Variants in TCF12 observed in about 807,000 individuals in gnomAD.
The protein encoded by TCF12 is DNA-binding protein HTF4.
TCF12 carries 45 observed loss-of-function variants against 86.0 expected under a neutral mutation model. That is an observed-to-expected ratio of 0.52 (90% CI 0.41 to 0.67). TCF12 has a LOEUF of 0.67. TCF12 is among the 30% of genes least tolerant of loss of function. The pLI is 0.00. For synonymous variants in TCF12, 330 were observed against 299.6 expected (o/e 1.10, Z -1.05); for missense variants, 881 against 859.9 (o/e 1.02, Z -0.31).
chr15:56,935,494 T>C (rs1364743509), intron 3 of TCF12, among the ~76,000 whole-genome samples: 1 of 152,046 alleles, frequency 6.6e-6, no homozygotes, highest in African/African-American at 2.4e-5. Flanking sequence ...TTTGTTTCCG[T>C]AGGTTTTTGG....
chr15:57,089,830 T>C (rs969807309), intron 4 of TCF12, among the ~76,000 whole-genome samples: 1 of 152,152 alleles, frequency 6.6e-6, no homozygotes, highest in Non-Finnish European at 1.5e-5. Flanking sequence ...ACTGTGTGCC[T>C]AAGAATGGCA....
At chr15:56,969,852 A>G (rs534007442) in intron 3 of TCF12, among the ~76,000 whole-genome samples, 4 of 152,320 alleles carry the variant, frequency 2.6e-5, no homozygotes, top group South Asian at 4.1e-4. Flanking sequence ...GATGAAGACG[A>G]GATCAGAAGA....
chr15:57,219,459 G>GATA (rs1477060095), intron 8 of TCF12: 7 of 1,569,726 alleles, frequency 4.5e-6, no homozygotes, highest in Non-Finnish European at 6.1e-6. Flanking sequence ...TGCCTGTGTG[G>GATA]ATATATGTCT....
chr15:57,120,153 G>A (rs1274671968), intron 5 of TCF12, among the ~76,000 whole-genome samples: 2 of 152,126 alleles, frequency 1.3e-5, no homozygotes, highest in African/African-American at 2.4e-5. Flanking sequence ...TAGATACTGC[G>A]TTGACTACTC....
intron 3 of TCF12, among the ~76,000 whole-genome samples, chr15:57,007,758 CTTT>C (rs1374575034): frequency 2.3e-4 from 4 of 17,742 alleles, no homozygotes; most frequent in Admixed American, 7.6e-4. Flanking sequence ...ATTTTTCCTT[CTTT>C]CTTTCTTTCT....
intron 5 of TCF12, among the ~76,000 whole-genome samples, chr15:57,128,713 C>T (rs1193832026): frequency 2.6e-5 from 4 of 152,186 alleles, no homozygotes; most frequent in Non-Finnish European, 5.9e-5. Context: ...CACCCATCTC[C>T]TAGCAACAGT....
At chr15:57,007,793 TCTTTCTTTC>T (rs2064502320) in intron 3 of TCF12, among the ~76,000 whole-genome samples, 3 of 24,264 alleles carry the variant, frequency 1.2e-4, no homozygotes, top group East Asian at 1.5e-3. Context: ...TTTCTTTCTC[TCTTTCTTTC>T]TTTCTTTCTT....
In TCF12 at chr15:56,995,301, A is replaced by G. The variant is rs1472416888; in HGVS notation, c.149-68449A>G. Among the ~76,000 whole-genome samples the G allele has an allele frequency of 1.6e-4, 14 of 88,252 alleles. 1 individual carries two copies. The highest frequency in any genetic ancestry group is 4.3e-4 in the African/African-American group (10 of 23,348). The allele number at this position is 88,252 out of a possible 152,430, so 57.9% of individuals were successfully genotyped here. A position where few individuals can be genotyped will look rare whatever the true frequency, so the allele number is the denominator to read the frequency against. ...GCTATTTCGGCTCTTTTTGGGTTCA[A>G]TTTGAATTTTAGAATAGTTTTTTTC... On this transcript the variant is annotated intron_variant, in intron 3 of 20. Coordinates refer to ENST00000333725, the MANE Select transcript of TCF12 (RefSeq NM_207037.2).
At chr15:57,037,261 C>T (rs2066560613) in intron 3 of TCF12, among the ~76,000 whole-genome samples, 1 of 152,050 alleles carries the variant, frequency 6.6e-6, no homozygotes, top group African/African-American at 2.4e-5. Flanking sequence ...TTAGCCTGGA[C>T]AACATGGTGA....
intron 5 of TCF12, among the ~76,000 whole-genome samples, chr15:57,097,728 T>C (rs1330155252): frequency 1.3e-5 from 2 of 152,146 alleles, no homozygotes; most frequent in African/African-American, 4.8e-5. Flanking sequence ...TGTATATTCA[T>C]TGATCTACAT....
In TCF12 at chr15:56,925,280, A is replaced by G. The variant is rs1455524438; in HGVS notation, c.148+4182A>G. Among the ~76,000 whole-genome samples, 6 of 114,640 alleles carry G rather than the reference A, an allele frequency of 5.2e-5. No individual in the cohort carries two copies. In the Admixed American group the frequency reaches 8.3e-4, roughly 16 times the overall value. 75.2% of individuals were successfully genotyped at this position (114,640 alleles called of 152,430 possible). ...CGCCCCAACCCCGTAGTCATTGCTT[A>G]TAATGGATTTGAAAAACAATTTGAT... On this transcript the variant is annotated intron_variant, in intron 3 of 20. Coordinates refer to ENST00000333725, the MANE Select transcript of TCF12 (RefSeq NM_207037.2).
chr15:57,121,859 C>G (rs2051257380), intron 5 of TCF12, among the ~76,000 whole-genome samples: 1 of 152,056 alleles, frequency 6.6e-6, no homozygotes, highest in Non-Finnish European at 1.5e-5. Flanking sequence ...CTCTATTGTT[C>G]CTGGAATTCT....
At chr15:57,017,630 A>G (rs184964707) in intron 3 of TCF12, among the ~76,000 whole-genome samples, 278 of 152,336 alleles carry the variant, frequency 1.8e-3, no homozygotes, top group Middle Eastern at 3.4e-3. Flanking sequence ...TAGGCATACA[A>G]AGATGTTCAG....
intron 8 of TCF12, among the ~76,000 whole-genome samples, chr15:57,206,446 T>G (rs1190735329): frequency 1.3e-5 from 2 of 151,974 alleles, no homozygotes; most frequent in African/African-American, 4.8e-5. Flanking sequence ...AAAATAGAAG[T>G]TTGCCAACCT....
chr15:57,180,542 A>C (rs1011840178), intron 6 of TCF12, among the ~76,000 whole-genome samples: 9 of 151,516 alleles, frequency 5.9e-5, no homozygotes, highest in Admixed American at 5.3e-4. Context: ...ATTTCCACAT[A>C]CTCCCTCCCC....
rs1307557229 is a variant in TCF12 at position 57,227,836 on chromosome 15, T to C, written c.580-3316T>C. Reference sequence around the variant, plus strand: ...AAAGAAAATATCTACCACATTTTAATAGAACATCTTAAATTACTTAATTTT... The same window carrying C: ...AAAGAAAATATCTACCACATTTTAACAGAACATCTTAAATTACTTAATTTT... On this transcript the variant is annotated intron_variant, in intron 8 of 20. Transcript: ENST00000333725. 4.6e-5 allele frequency among the ~76,000 whole-genome samples: 7 copies of C among 152,222 alleles called. No homozygotes were observed. The East Asian group carries it at 1.2e-3, about 25-fold the overall frequency.
At position 57,153,201 on chromosome 15, in the gene TCF12, G is replaced by A. The variant is rs546163256; in HGVS notation, c.326-13201G>A. Among the ~76,000 whole-genome samples, 93 of 152,242 alleles carry A rather than the reference G, an allele frequency of 6.1e-4. 1 individual carries two copies. The highest frequency in any genetic ancestry group is 6.8e-3 in the Middle Eastern group (2 of 294). ...GCTGGAGTAAGTTCTTCAAGCAGGG[G>A]GAATGTCACTCCAGACAGAAACTTG... On this transcript the variant is annotated intron_variant, in intron 5 of 20. Transcript: ENST00000333725.
chr15:57,203,284 C>A (rs559852431), intron 8 of TCF12, among the ~76,000 whole-genome samples: 1 of 152,024 alleles, frequency 6.6e-6, no homozygotes, highest in Non-Finnish European at 1.5e-5. Flanking sequence ...CTAAATCACT[C>A]GTTGAACATC....
intron 8 of TCF12, among the ~76,000 whole-genome samples, chr15:57,217,541 T>C (rs1279845919): frequency 1.3e-5 from 2 of 152,142 alleles, no homozygotes; most frequent in African/African-American, 4.8e-5. Flanking sequence ...TTAACTGTCA[T>C]AGGTGGATGT....
Sources: allele counts gnomAD v4.1 joint callset (sites outside exome capture counted in the v4.1 genomes callset), GRCh38; gene constraint gnomAD v4.1.1; transcripts MANE v1.5; gene names NCBI Gene and HGNC (gene_info 2026-07-23, HGNC 2026-07-21).